Variants in ZNF638 observed in about 807,000 individuals in gnomAD.
The protein encoded by ZNF638 is CTCL tumor antigen se33-1.
In ZNF638, 46 loss-of-function variants were observed where a neutral mutation model predicts 195.6. The ratio of observed to expected loss-of-function variants is 0.24; its 90% CI spans 0.19 to 0.30. The LOEUF (loss-of-function observed/expected upper bound fraction) is 0.30, where lower values mean the gene tolerates loss of function less well. Ranked by LOEUF, ZNF638 falls within the 10% of genes least tolerant of loss-of-function variation. The pLI, the probability that ZNF638 is intolerant of heterozygous loss-of-function variation, is 1.00. For missense variants in ZNF638, 2,440 were observed against 2,325.3 expected (o/e 1.05, Z -1.01); for synonymous variants, 845 against 772.0 (o/e 1.09, Z -1.57).
At chr2:71,335,904 T>C (rs2078658289) in intron 1 of ZNF638, among the ~76,000 whole-genome samples, 1 of 152,236 alleles carries the variant, frequency 6.6e-6, no homozygotes, top group Admixed American at 6.5e-5. Context: ...ATCCAACTAA[T>C]GTTCATAATT....
Position 71,397,532 on chromosome 2 carries a change from C to T in ZNF638, c.2429-1169C>T, listed in dbSNP as rs551592965. On this transcript the variant is annotated intron_variant, in intron 11 of 27. Transcript: ENST00000264447. ...ATTTTTAAAAGTATGATTGTATTCT[C>T]ATAACGTTCCTGTTAGGTAATTTTG... 2.0e-5 allele frequency among the ~76,000 whole-genome samples: 3 copies of T among 152,260 alleles called. No homozygotes were observed. The South Asian group carries it at 6.2e-4, about 32-fold the overall frequency.
rs762639298 is a variant in ZNF638 at position 71,349,053 on chromosome 2, G to A, written c.99G>A (p.Arg33=). 4 of 1,614,054 alleles carry A rather than the reference G, an allele frequency of 2.5e-6. No homozygotes were observed. In the African/African-American group the frequency reaches 5.3e-5, roughly 22 times the overall value. ...SGMRPPGPFM[R]PGSMGLPRFY... ...TGAGGCCTCCAGGACCATTTATGAGGCCTGGATCTATGGGTCTCCCAAGAT... is the reference window on the plus strand; with the variant it reads ...TGAGGCCTCCAGGACCATTTATGAGACCTGGATCTATGGGTCTCCCAAGAT... Residue 33 remains arginine, a synonymous_variant, in exon 2 of 28, where the codon AGG becomes AGA. Transcript: ENST00000264447.
At chr2:71,397,492 AATGCTTTTTGT>A (rs1360480768) in intron 11 of ZNF638, among the ~76,000 whole-genome samples, 2 of 152,170 alleles carry the variant, frequency 1.3e-5, no homozygotes, top group African/African-American at 2.4e-5. Context: ...GATGTCAATG[AATGCTTTTTGT>A]ATGATTTTTA....
chr2:71,388,297 G>GCCGACCTTTGATCAT (rs1204194715), intron 10 of ZNF638: 140 of 409,410 alleles, frequency 3.4e-4, no homozygotes, highest in African/African-American at 2.0e-3. Context: ...ATTTACTTTT[G>GCCGACCTTTGATCAT]CCGACCTTTG....
chr2:71,380,384 ATAGTT>A (rs1333265332), intron 9 of ZNF638, 104 bp downstream of exon 9: 1 of 1,103,524 alleles, frequency 9.1e-7, no homozygotes, highest in Non-Finnish European at 1.3e-6. Flanking sequence ...CACTATAACT[ATAGTT>A]TAAGAGGGAT....
At chr2:71,360,537 C>G (rs2079091685) in intron 3 of ZNF638, among the ~76,000 whole-genome samples, 1 of 151,946 alleles carries the variant, frequency 6.6e-6, no homozygotes, top group Admixed American at 6.6e-5. Flanking sequence ...CTCTTTTAAT[C>G]TAGAATAGCC....
chr2:71,379,078 T>C (rs2104346077), intron 8 of ZNF638, among the ~76,000 whole-genome samples: 1 of 152,056 alleles, frequency 6.6e-6, no homozygotes, highest in Admixed American at 6.5e-5. Flanking sequence ...AGAGAGTGAG[T>C]GAATGGCAAG....
At chr2:71,427,761 T>C (rs2080569096) in intron 24 of ZNF638, among the ~76,000 whole-genome samples, 1 of 152,206 alleles carries the variant, frequency 6.6e-6, no homozygotes, top group African/African-American at 2.4e-5. Context: ...TCAGATTACC[T>C]CCCAGTTTTT....
chr2:71,408,093 T>A, intron 19 of ZNF638, 29 bp from the exon 20 acceptor site: 1 of 1,590,432 alleles, frequency 6.3e-7, no homozygotes. Flanking sequence ...TTTAAAGAAC[T>A]ATTCATAACT....
At chr2:71,391,523 C>T (rs920353251) in intron 10 of ZNF638, among the ~76,000 whole-genome samples, 5 of 152,190 alleles carry the variant, frequency 3.3e-5, no homozygotes, top group Admixed American at 3.3e-4. Flanking sequence ...GCAGACCCAA[C>T]AGAGCCAATA....
At chr2:71,340,310 A>G (rs2078742514) in intron 1 of ZNF638, among the ~76,000 whole-genome samples, 1 of 152,248 alleles carries the variant, frequency 6.6e-6, no homozygotes, top group Admixed American at 6.5e-5. Context: ...TGGCACCCTC[A>G]GAATTGTTAC....
In ZNF638 at chr2:71,400,261, G is replaced by A. The variant is rs1002856390; in HGVS notation, c.2656+81G>A. ...ACCTAAGTGAAATTAAGAGTATTACGATTCATGTCTTTATCTCTTAATCTG... is the reference window on the plus strand; with the variant it reads ...ACCTAAGTGAAATTAAGAGTATTACAATTCATGTCTTTATCTCTTAATCTG... On this transcript the variant is annotated intron_variant, in intron 14 of 27. Coordinates refer to ENST00000264447, the MANE Select transcript of ZNF638 (RefSeq NM_014497.5). 1.3e-5 allele frequency: 15 copies of A among 1,179,290 alleles called. No homozygotes were observed. The African/African-American group carries it at 1.7e-4, about 14-fold the overall frequency. 73.1% of individuals were successfully genotyped at this position (1,179,290 alleles called of 1,614,324 possible). A position where few individuals can be genotyped will look rare whatever the true frequency, so the allele number is the denominator to read the frequency against.
chr2:71,422,747 C>G, intron 21 of ZNF638, 67 bp from the exon 22 acceptor site: 1 of 1,491,614 alleles, frequency 6.7e-7, no homozygotes, highest in Admixed American at 2.1e-5. Flanking sequence ...GTTGAATTCT[C>G]ATCATAGTTT....
chr2:71,380,406 C>T (rs1410404072), intron 9 of ZNF638, 107 bp from the exon 10 acceptor site: 7 of 1,139,712 alleles, frequency 6.1e-6, no homozygotes, highest in Non-Finnish European at 6.2e-6. Flanking sequence ...GGATATCACT[C>T]CAGTTGAATT....
In ZNF638 at chr2:71,364,127, C is replaced by A. The variant is rs767944972; in HGVS notation, c.1592C>A (p.Ser531Tyr). 3 of 1,614,124 alleles carry A rather than the reference C, an allele frequency of 1.9e-6. No homozygotes were observed. Among genetic ancestry groups the A allele is most frequent in the Non-Finnish European group, 2.5e-6 (3 of 1,180,020 alleles). Residue 531 changes from serine to tyrosine, a missense_variant, in exon 5 of 28, where the codon TCT (serine) becomes TAT (tyrosine). Physicochemically the swap from Ser to Tyr is moderately radical, Grantham distance 144. Transcript: ENST00000264447. ...RSPRICHRFI[S>Y]RYRSRSRSRS... ...CCAAGAATTTGCCATCGTTTCATTT[C>A]TAGATACAGATCCAGATCCAGATCC...
At chr2:71,408,055 A>T in intron 19 of ZNF638, 67 bp from the exon 20 acceptor site, 1 of 1,477,152 alleles carries the variant, frequency 6.8e-7, no homozygotes, top group Non-Finnish European at 9.2e-7. Context: ...GAATTGTTGG[A>T]TTATGTGGTT....
At chr2:71,369,798 C>G in intron 7 of ZNF638, 85 bp from the exon 8 acceptor site, 1 of 1,360,386 alleles carries the variant, frequency 7.4e-7, no homozygotes, top group Non-Finnish European at 9.9e-7. Context: ...TTTGATGTTA[C>G]AAAAGAAAGG....
chr2:71,340,856 C>G (rs1990773), intron 1 of ZNF638, among the ~76,000 whole-genome samples: 137,442 of 152,240 alleles, frequency 0.9, 62,117 homozygotes, highest in Admixed American at 0.92. Flanking sequence ...GAATTCCTTT[C>G]CTCTTAAGGT....
rs575408401 is a variant in ZNF638, at chr2:71,433,095, G to A, written c.5753-70G>A. ...GAGTGAGACTCCGTCTCAAATAAAT[G>A]AATAAATCGATGAACACAACTGGAG... On this transcript the variant is annotated intron_variant, in intron 26 of 27. Coordinates refer to ENST00000264447, the MANE Select transcript of ZNF638 (RefSeq NM_014497.5). The A allele has an allele frequency of 8.3e-4, 1,020 of 1,224,112 alleles. 3 individuals are homozygous for A. The highest frequency in any genetic ancestry group is 8.9e-5 in the Non-Finnish European group (74 of 834,974). 75.8% of individuals were successfully genotyped at this position (1,224,112 alleles called of 1,614,324 possible).
Sources: gnomAD v4.1 joint callset for allele counts (sites outside exome capture counted in the v4.1 genomes callset) on GRCh38, gnomAD v4.1.1 for gene constraint, MANE v1.5 for transcripts, NCBI Gene and HGNC (gene_info 2026-07-23, HGNC 2026-07-21) for gene names.